CDKAL1: variants seen among roughly 807,000 people sequenced by gnomAD.
CDKAL1 encodes threonylcarbamoyladenosine tRNA methylthiotransferase.
In CDKAL1, 32 loss-of-function variants were observed where a neutral mutation model predicts 68.2. That is an observed-to-expected ratio of 0.47 (90% CI 0.35 to 0.63). The LOEUF (loss-of-function observed/expected upper bound fraction) is 0.63, where lower values mean the gene tolerates loss of function less well. CDKAL1 is among the 30% of genes least tolerant of loss of function. CDKAL1 has a pLI of 0.00. For missense variants in CDKAL1, 606 were observed against 696.7 expected (o/e 0.87, Z 1.47); for synonymous variants, 234 against 244.3 (o/e 0.96, Z 0.39).
At chr6:21,084,585 T>G (rs978706960) in intron 12 of CDKAL1, among the ~76,000 whole-genome samples, 1 of 152,178 alleles carries the variant, frequency 6.6e-6, no homozygotes, top group African/African-American at 2.4e-5. Flanking sequence ...ACTCTTGGAG[T>G]AAAAAATATT....
At position 20,870,899 on chromosome 6, in the gene CDKAL1, C is replaced by G. The variant is rs1383350228; in HGVS notation, c.742+24721C>G. 2.6e-5 allele frequency among the ~76,000 whole-genome samples: 4 copies of G among 152,272 alleles called. No individual in the cohort carries two copies. In the South Asian group the frequency reaches 8.3e-4, roughly 32 times the overall value. ...GACTGTTATGGTGCACATTTACCAA[C>G]AAAAGATCCATAGCATAAAAATGAT... On this transcript the variant is annotated intron_variant, in intron 9 of 15. Coordinates refer to ENST00000274695, the MANE Select transcript of CDKAL1 (RefSeq NM_017774.3).
At chr6:21,091,853 C>A (rs1037049162) in intron 12 of CDKAL1, among the ~76,000 whole-genome samples, 1 of 113,962 alleles carries the variant, frequency 8.8e-6, no homozygotes, top group Non-Finnish European at 1.9e-5. Flanking sequence ...AGGCTCAGAA[C>A]TTTCTTTTTT....
At chr6:20,639,515 A>G (rs1433877476) in intron 4 of CDKAL1, among the ~76,000 whole-genome samples, 1 of 152,162 alleles carries the variant, frequency 6.6e-6, no homozygotes, top group Non-Finnish European at 1.5e-5. Flanking sequence ...AGCTGGCTTA[A>G]AGGAAAATAC....
intron 8 of CDKAL1, among the ~76,000 whole-genome samples, chr6:20,838,105 A>G (rs150970500): frequency 1.8e-3 from 273 of 152,030 alleles, no homozygotes; most frequent in African/African-American, 5.7e-3. Context: ...ATAATTTTAA[A>G]ACAGTATTTG....
At position 20,561,163 on chromosome 6, in the gene CDKAL1, C is replaced by T. The variant is rs185086617; in HGVS notation, c.286+12458C>T. ...TAGTTATTAAGAACAGACTGTCAGCCGGGCGCAGTGGCTCATGCTTGTAAT... is the reference window on the plus strand; with the variant it reads ...TAGTTATTAAGAACAGACTGTCAGCTGGGCGCAGTGGCTCATGCTTGTAAT... On this transcript the variant is annotated intron_variant, in intron 4 of 15. Transcript: ENST00000274695. 3.0e-3 allele frequency among the ~76,000 whole-genome samples: 456 copies of T among 152,112 alleles called. 2 individuals carry two copies. Among genetic ancestry groups the T allele is most frequent in the Non-Finnish European group, 2.4e-3 (166 of 68,010 alleles).
intron 4 of CDKAL1, among the ~76,000 whole-genome samples, chr6:20,551,659 C>T (rs954161213): frequency 4.6e-5 from 7 of 152,060 alleles, no homozygotes; most frequent in Admixed American, 6.6e-5. Flanking sequence ...TGTGAGCCAC[C>T]GCGCCTGGCC....
At chr6:20,547,339 G>A (rs532343196) in intron 3 of CDKAL1, among the ~76,000 whole-genome samples, 4 of 152,268 alleles carry the variant, frequency 2.6e-5, no homozygotes, top group East Asian at 1.9e-4. Flanking sequence ...GTAAGTCTGT[G>A]TTATTTCCAA....
At chr6:20,602,882 G>A (rs1766166407) in intron 4 of CDKAL1, among the ~76,000 whole-genome samples, 1 of 152,116 alleles carries the variant, frequency 6.6e-6, no homozygotes, top group African/African-American at 2.4e-5. Flanking sequence ...GAAGAAGATG[G>A]TCACATCCAG....
At chr6:20,789,333 A>G (rs1775804621) in intron 8 of CDKAL1, among the ~76,000 whole-genome samples, 1 of 152,336 alleles carries the variant, frequency 6.6e-6, no homozygotes, top group African/African-American at 2.4e-5. Flanking sequence ...AAGATCATTC[A>G]TAGGAACAGT....
intron 15 of CDKAL1, among the ~76,000 whole-genome samples, chr6:21,203,590 T>A (rs1179768831): frequency 1.3e-5 from 2 of 151,832 alleles, no homozygotes; most frequent in Non-Finnish European, 2.9e-5. Flanking sequence ...GTTGCCCAAG[T>A]TCGTCTTGAA....
intron 10 of CDKAL1, among the ~76,000 whole-genome samples, chr6:20,995,141 T>C (rs903091150): frequency 6.6e-6 from 1 of 152,234 alleles, no homozygotes; most frequent in South Asian, 2.1e-4. Flanking sequence ...CAGGCTCCAC[T>C]TGTAATTCTA....
rs142599210 is a variant in CDKAL1, at chr6:20,698,728, A to G, written c.372-40791A>G. On this transcript the variant is annotated intron_variant, in intron 5 of 15. Coordinates refer to ENST00000274695, the MANE Select transcript of CDKAL1 (RefSeq NM_017774.3). ...TTATTTTTAATATTTCAGTATCACA[A>G]TGGAGAGACGGGAAGAGTAAGAAGG... Among the ~76,000 whole-genome samples the G allele has an allele frequency of 2.5e-3, 386 of 152,334 alleles. 2 individuals carry two copies. Among genetic ancestry groups the G allele is most frequent in the African/African-American group, 7.8e-3 (323 of 41,578 alleles).
chr6:21,124,323 T>C (rs1774878339), intron 13 of CDKAL1, among the ~76,000 whole-genome samples: 1 of 152,114 alleles, frequency 6.6e-6, no homozygotes, highest in Non-Finnish European at 1.5e-5. Context: ...TTCTCTTCAT[T>C]TGTGTCTCTC....
At chr6:20,811,981 G>A (rs1776839699) in intron 8 of CDKAL1, among the ~76,000 whole-genome samples, 1 of 152,066 alleles carries the variant, frequency 6.6e-6, no homozygotes, top group East Asian at 1.9e-4. Flanking sequence ...TCAGGGTATA[G>A]GCCAGATTTG....
At chr6:20,551,586 G>A (rs1763831129) in intron 4 of CDKAL1, among the ~76,000 whole-genome samples, 1 of 151,812 alleles carries the variant, frequency 6.6e-6, no homozygotes, top group South Asian at 2.1e-4. Flanking sequence ...TAGCCAGGAT[G>A]GTCTCGATCC....
chr6:20,947,790 A>G (rs1440195953), intron 9 of CDKAL1, among the ~76,000 whole-genome samples: 3 of 152,154 alleles, frequency 2.0e-5, no homozygotes, highest in East Asian at 3.8e-4. Flanking sequence ...AATGTGTTGA[A>G]TACTGTATTG....
At chr6:20,896,360 A>G (rs1230005174) in intron 9 of CDKAL1, among the ~76,000 whole-genome samples, 1 of 151,928 alleles carries the variant, frequency 6.6e-6, no homozygotes, top group Non-Finnish European at 1.5e-5. Flanking sequence ...GGCTTCCCAG[A>G]GTGCTGGGAT....
At chr6:20,760,631 C>T (rs183772884) in intron 7 of CDKAL1, among the ~76,000 whole-genome samples, 15 of 152,276 alleles carry the variant, frequency 9.9e-5, no homozygotes, top group East Asian at 3.9e-4. Context: ...GTGATTTATA[C>T]GATACTGTTA....
At chr6:20,935,507 T>C (rs1334206050) in intron 9 of CDKAL1, among the ~76,000 whole-genome samples, 1 of 151,844 alleles carries the variant, frequency 6.6e-6, no homozygotes, top group African/African-American at 2.4e-5. Flanking sequence ...TGGCTCACTG[T>C]AACCTCTGCC....
Sources: gnomAD v4.1 joint callset for allele counts (sites outside exome capture counted in the v4.1 genomes callset) on GRCh38, gnomAD v4.1.1 for gene constraint, MANE v1.5 for transcripts, NCBI Gene and HGNC (gene_info 2026-07-23, HGNC 2026-07-21) for gene names.